The following NAALADL2 variants were observed in gnomAD, a reference collection of about 807,000 sequenced individuals.
The protein encoded by NAALADL2 is inactive N-acetylated-alpha-linked acidic dipeptidase-like protein 2.
A neutral mutation model predicts 87.2 loss-of-function variants in NAALADL2; 76 were observed. The observed-to-expected ratio is 0.87, with a 90% CI of 0.72 to 1.05. The LOEUF (loss-of-function observed/expected upper bound fraction) is 1.05, where lower values mean the gene tolerates loss of function less well. Ranked by LOEUF, NAALADL2 falls within the 50% of genes least tolerant of loss-of-function variation. NAALADL2 has a pLI of 0.00. For synonymous variants in NAALADL2, 354 were observed against 331.0 expected, an observed-to-expected ratio of 1.07 and a Z score of -0.75; for missense variants, 1,089 against 945.8, an observed-to-expected ratio of 1.15 and a Z score of -1.99.
chr3:175,134,917 CATATT>C lies in NAALADL2; in HGVS notation c.545+37630_545+37634del, dbSNP rs1311078043. Among the ~76,000 whole-genome samples, 29 of 152,248 alleles carry C rather than the reference CATATT, an allele frequency of 1.9e-4. 1 individual carries two copies. Among genetic ancestry groups the C allele is most frequent in the Middle Eastern group, 3.4e-3 (1 of 294 alleles). ...TTAACTAAAGCAACAATTATACAAACATATTATAGTTCAAATTATAAGATATCAAA... is the reference window on the plus strand; with the variant it reads ...TTAACTAAAGCAACAATTATACAAACATAGTTCAAATTATAAGATATCAAA... On this transcript the variant is annotated intron_variant, in intron 2 of 13. Transcript: ENST00000454872.
intron 5 of NAALADL2, among the ~76,000 whole-genome samples, chr3:175,369,955 A>G (rs970993378): frequency 5.3e-5 from 8 of 152,286 alleles, no homozygotes; most frequent in African/African-American, 1.2e-4. Flanking sequence ...TTAACCTCCA[A>G]AAAATAATTG....
At chr3:174,987,588 A>AC (rs1560446041) in intron 1 of NAALADL2, among the ~76,000 whole-genome samples, 2 of 141,938 alleles carry the variant, frequency 1.4e-5, no homozygotes, top group African/African-American at 5.5e-5. Context: ...AAAAAAAAAA[A>AC]AAAAAAAAAA....
At chr3:174,645,347 T>C (rs1723670377) in intron 2 of NAALADL2, among the ~76,000 whole-genome samples, 1 of 152,204 alleles carries the variant, frequency 6.6e-6, no homozygotes, top group African/African-American at 2.4e-5. Context: ...TACTGACTTT[T>C]GATGTTAGAC....
intron 1 of NAALADL2, among the ~76,000 whole-genome samples, chr3:174,462,421 G>A (rs1716272741): frequency 1.3e-5 from 2 of 152,082 alleles, no homozygotes; most frequent in African/African-American, 4.8e-5. Flanking sequence ...TTATTTTAAA[G>A]TTGATTTAAT....
At chr3:174,941,892 G>A (rs565608975) in intron 1 of NAALADL2, among the ~76,000 whole-genome samples, 1 of 152,130 alleles carries the variant, frequency 6.6e-6, no homozygotes, top group African/African-American at 2.4e-5. Flanking sequence ...GCCTATGGGT[G>A]TCATCATGTG....
chr3:175,568,637 TCCCTGCTG>T (rs906913599), intron 9 of NAALADL2, among the ~76,000 whole-genome samples: 1 of 152,208 alleles, frequency 6.6e-6, no homozygotes, highest in African/African-American at 2.4e-5. Flanking sequence ...TAGGAGAGTT[TCCCTGCTG>T]TGGGCTATTT....
At chr3:174,512,887 C>T (rs2108394374) in intron 1 of NAALADL2, among the ~76,000 whole-genome samples, 1 of 151,936 alleles carries the variant, frequency 6.6e-6, no homozygotes, top group East Asian at 1.9e-4. Context: ...GTATCTGTTA[C>T]TTCACCTTGA....
At chr3:174,934,144 T>C (rs1737314379) in intron 1 of NAALADL2, among the ~76,000 whole-genome samples, 1 of 152,184 alleles carries the variant, frequency 6.6e-6, no homozygotes, top group Non-Finnish European at 1.5e-5. Flanking sequence ...ATTTATTTAG[T>C]TCTTCTACTA....
At chr3:174,661,698 A>G (rs548863005) in intron 2 of NAALADL2, among the ~76,000 whole-genome samples, 1 of 152,288 alleles carries the variant, frequency 6.6e-6, no homozygotes, top group African/African-American at 2.4e-5. Flanking sequence ...GTATCCATTA[A>G]GTAATTTCTT....
chr3:174,793,849 A>C (rs1383705806), intron 3 of NAALADL2, among the ~76,000 whole-genome samples: 1 of 151,812 alleles, frequency 6.6e-6, no homozygotes, highest in East Asian at 1.9e-4. Context: ...TAAGACACTA[A>C]CTGCATGCTT....
intron 11 of NAALADL2, among the ~76,000 whole-genome samples, chr3:175,637,500 C>T (rs904923769): frequency 3.9e-5 from 6 of 152,178 alleles, no homozygotes; most frequent in African/African-American, 1.4e-4. Context: ...GCGGATCCCT[C>T]ATAAATGGCT....
chr3:175,041,474 T>C (rs1177411528), intron 1 of NAALADL2, among the ~76,000 whole-genome samples: 1 of 152,170 alleles, frequency 6.6e-6, no homozygotes, highest in Non-Finnish European at 1.5e-5. Context: ...TCTTAAGATA[T>C]TGAAAGCCAG....
chr3:174,720,346 A>T (rs1464484380), intron 2 of NAALADL2, among the ~76,000 whole-genome samples: 3 of 152,310 alleles, frequency 2.0e-5, no homozygotes, highest in African/African-American at 7.2e-5. Context: ...CATTAATTAA[A>T]TATTTCTTAG....
chr3:174,845,425 G>A (rs1724510381), intron 3 of NAALADL2, among the ~76,000 whole-genome samples: 2 of 152,190 alleles, frequency 1.3e-5, no homozygotes, highest in South Asian at 4.1e-4. Flanking sequence ...CAGCTGAGGA[G>A]GGCTTTTTCC....
intron 1 of NAALADL2, among the ~76,000 whole-genome samples, chr3:174,888,734 T>C (rs377232993): frequency 2.0e-5 from 3 of 152,216 alleles, no homozygotes; most frequent in African/African-American, 7.2e-5. Flanking sequence ...AGCATAAATA[T>C]GTAATTATAT....
chr3:174,741,015 A>C (rs1187998290), intron 3 of NAALADL2, among the ~76,000 whole-genome samples: 1 of 151,780 alleles, frequency 6.6e-6, no homozygotes, highest in Admixed American at 6.6e-5. Flanking sequence ...AAACCAGTGA[A>C]TAAATTAGAA....
chr3:175,240,949 C>T (rs929259455), intron 3 of NAALADL2, among the ~76,000 whole-genome samples: 3 of 152,194 alleles, frequency 2.0e-5, no homozygotes, highest in African/African-American at 4.8e-5. Context: ...GCATGAGCCA[C>T]TGTGCCAGGC....
intron 2 of NAALADL2, among the ~76,000 whole-genome samples, chr3:174,648,352 AC>A (rs1405256638): frequency 6.6e-6 from 1 of 151,786 alleles, no homozygotes; most frequent in Non-Finnish European, 1.5e-5. Context: ...AAAAAAAAAA[AC>A]AAACCTTTGT....
intron 2 of NAALADL2, among the ~76,000 whole-genome samples, chr3:175,167,822 T>G (rs1397131641): frequency 6.6e-6 from 1 of 152,058 alleles, no homozygotes; most frequent in East Asian, 1.9e-4. Context: ...AAGTGGAGCC[T>G]CCTTCTATAC....
Sources: gnomAD v4.1 joint callset for allele counts (sites outside exome capture counted in the v4.1 genomes callset) on GRCh38, gnomAD v4.1.1 for gene constraint, MANE v1.5 for transcripts, NCBI Gene and HGNC (gene_info 2026-07-23, HGNC 2026-07-21) for gene names.